PICALM: variants seen among roughly 807,000 people sequenced by gnomAD.
PICALM encodes the protein phosphatidylinositol-binding clathrin assembly protein.
In PICALM, 40 loss-of-function variants were observed where a neutral mutation model predicts 80.5. The observed-to-expected ratio is 0.50, with a 90% CI of 0.39 to 0.65. The LOEUF (loss-of-function observed/expected upper bound fraction) is 0.65. Among genes scored for constraint, PICALM ranks in the 30% least tolerant of loss-of-function variants. The pLI is 0.00. For synonymous variants in PICALM, 288 were observed against 260.3 expected (o/e 1.11, Z -1.02); for missense variants, 676 against 778.9 (o/e 0.87, Z 1.57).
intron 19 of PICALM, among the ~76,000 whole-genome samples, chr11:85,959,685 C>G (rs2093624589): frequency 7.0e-6 from 1 of 143,062 alleles, no homozygotes; most frequent in African/African-American, 2.6e-5. Flanking sequence ...GCTCAAGCAA[C>G]CCTCCTGCCT....
intron 16 of PICALM, among the ~76,000 whole-genome samples, chr11:85,981,474 G>C (rs915452593): frequency 1.3e-5 from 2 of 152,132 alleles, no homozygotes; most frequent in African/African-American, 4.8e-5. Flanking sequence ...CAGGCATGGT[G>C]GTGGGTGCCT....
At chr11:86,022,107 T>C (rs2095574519) in intron 4 of PICALM, among the ~76,000 whole-genome samples, 1 of 152,184 alleles carries the variant, frequency 6.6e-6, no homozygotes, top group South Asian at 2.1e-4. Flanking sequence ...TGGACAACTT[T>C]GTAAATACAC....
chr11:85,978,828 T>C (rs972452847), intron 17 of PICALM: 1 of 152,110 alleles, frequency 6.6e-6, no homozygotes, highest in Non-Finnish European at 1.5e-5. Context: ...ATACTTCATA[T>C]AGATTAATAC....
At chr11:86,024,852 T>G (rs755875166) in intron 3 of PICALM, among the ~76,000 whole-genome samples, 2 of 152,238 alleles carry the variant, frequency 1.3e-5, no homozygotes, top group South Asian at 2.1e-4. Context: ...GTATTGTACC[T>G]GTGCTTAAGC....
intron 1 of PICALM, among the ~76,000 whole-genome samples, chr11:86,033,941 G>GA (rs1290900742): frequency 6.6e-6 from 1 of 152,070 alleles, no homozygotes; most frequent in Non-Finnish European, 1.5e-5. Context: ...CCAAGAGGTT[G>GA]AAAAACAAAG....
At chr11:85,992,280 T>TTTTG (rs2094805606) in intron 12 of PICALM, among the ~76,000 whole-genome samples, 1 of 117,190 alleles carries the variant, frequency 8.5e-6, no homozygotes, top group Admixed American at 8.7e-5. Context: ...TCTGGGTGTG[T>TTTTG]TTTGTTTTTT....
intron 14 of PICALM, chr11:85,982,261 AG>A (rs1010791623): frequency 1.1e-5 from 4 of 361,878 alleles, no homozygotes; most frequent in Non-Finnish European, 2.1e-5. Context: ...AGGGGATAAG[AG>A]AGAAGTATTA....
chr11:85,959,633 C>CAAAAAAAAAA lies in PICALM; in HGVS notation c.1945-583_1945-574dup, dbSNP rs1161064257. On this transcript the variant is annotated intron_variant, in intron 19 of 19. Coordinates refer to ENST00000393346, the MANE Select transcript of PICALM (RefSeq NM_007166.4). ...GGGAGACAAGAGCGAAACTCCATCT[C>CAAAAAAAAAA]AAAAAAAAAAAAAAAAAAAAAAAGC... Among the ~76,000 whole-genome samples the CAAAAAAAAAA allele has an allele frequency of 6.6e-5, 3 of 45,202 alleles. 1 individual carries two copies. Among genetic ancestry groups the CAAAAAAAAAA allele is most frequent in the Non-Finnish European group, 1.1e-4 (3 of 26,948 alleles). 29.7% of individuals were successfully genotyped at this position (45,202 alleles called of 152,430 possible).
chr11:85,965,140 T>C (rs2093832684), intron 19 of PICALM, among the ~76,000 whole-genome samples: 1 of 152,206 alleles, frequency 6.6e-6, no homozygotes, highest in African/African-American at 2.4e-5. Flanking sequence ...AAGAGGTATT[T>C]AGGTTCTCAT....
In PICALM at chr11:85,958,528, G is replaced by A. The variant is rs1182611540; in HGVS notation, c.*518C>T. 1 of 209,344 alleles carries A rather than the reference G, an allele frequency of 4.8e-6. No homozygotes were observed. The highest frequency in any genetic ancestry group is 2.3e-5 in the African/African-American group (1 of 43,996). The allele number at this position is 209,344 out of a possible 1,614,324, so 13.0% of individuals were successfully genotyped here. On this transcript the variant is annotated 3_prime_UTR_variant, in exon 20 of 20. Coordinates refer to ENST00000393346, the MANE Select transcript of PICALM (RefSeq NM_007166.4). ...TACAAATACTTAAGGAATGTCTACTGCAAACTGAATATAATTTTTTTTAAA... is the reference window on the plus strand; with the variant it reads ...TACAAATACTTAAGGAATGTCTACTACAAACTGAATATAATTTTTTTTAAA...
At chr11:85,959,656 A>AAAAC (rs1402591265) in intron 19 of PICALM, among the ~76,000 whole-genome samples, 1 of 149,790 alleles carries the variant, frequency 6.7e-6, no homozygotes. Context: ...AAAAAAAAAA[A>AAAAC]GCTCATTGGA....
intron 1 of PICALM, among the ~76,000 whole-genome samples, chr11:86,049,918 G>A (rs1359760200): frequency 6.6e-6 from 1 of 151,754 alleles, no homozygotes; most frequent in Non-Finnish European, 1.5e-5. Context: ...AACTACATCA[G>A]GCCAGGTGAG....
Position 85,957,858 on chromosome 11 carries a change from T to G in PICALM, c.*1188A>C, listed in dbSNP as rs999195463. ...CTTAAGGCCCCTCTCCACCCAAATGTTAAAGATGTATTTACACAAAGCACC... is the reference window on the plus strand; with the variant it reads ...CTTAAGGCCCCTCTCCACCCAAATGGTAAAGATGTATTTACACAAAGCACC... On this transcript the variant is annotated 3_prime_UTR_variant, in exon 20 of 20. Coordinates refer to ENST00000393346, the MANE Select transcript of PICALM (RefSeq NM_007166.4). 4.5e-6 allele frequency: 1 copy of G among 224,350 alleles called. No individual in the cohort carries two copies. Among genetic ancestry groups the G allele is most frequent in the African/African-American group, 2.2e-5 (1 of 44,942 alleles). The allele number at this position is 224,350 out of a possible 1,614,324, so 13.9% of individuals were successfully genotyped here.
rs72963072 is a variant in PICALM, at chr11:86,023,029, G to T, written c.350-560C>A. ...ATGTTTTCAATGAAACTTTCTAAAT[G>T]AATACATAAATCATTCTAAGATTTT... On this transcript the variant is annotated intron_variant, in intron 3 of 19. Transcript: ENST00000393346. Among the ~76,000 whole-genome samples the T allele has an allele frequency of 7.5e-3, 1,148 of 152,194 alleles. 11 individuals are homozygous for T. Among genetic ancestry groups the T allele is most frequent in the Middle Eastern group, 0.014 (4 of 294 alleles).
At chr11:86,017,720 G>A (rs2095502562) in intron 4 of PICALM, among the ~76,000 whole-genome samples, 1 of 152,188 alleles carries the variant, frequency 6.6e-6, no homozygotes, top group East Asian at 1.9e-4. Flanking sequence ...TTAGCCTCAA[G>A]TAGTCTCTTG....
At chr11:85,992,512 C>T (rs948504055) in intron 12 of PICALM, among the ~76,000 whole-genome samples, 1 of 152,088 alleles carries the variant, frequency 6.6e-6, no homozygotes, top group Admixed American at 6.5e-5. Flanking sequence ...CCTCGAACTC[C>T]TAACCTCAGG....
intron 10 of PICALM, 82 bp downstream of exon 10, chr11:86,000,953 A>G (rs2136101324): frequency 6.5e-7 from 1 of 1,537,560 alleles, no homozygotes; most frequent in Middle Eastern, 1.7e-4. Flanking sequence ...TACATTTAAG[A>G]CTCTAAGTCT....
chr11:86,038,173 A>G (rs1057072706), intron 1 of PICALM, among the ~76,000 whole-genome samples: 1 of 152,016 alleles, frequency 6.6e-6, no homozygotes, highest in Admixed American at 6.6e-5. Context: ...CACAAAAATT[A>G]GCCAGGCATG....
chr11:85,959,133 G>A (rs1416682330), intron 19 of PICALM, 73 bp from the exon 20 acceptor site: 4 of 1,059,584 alleles, frequency 3.8e-6, no homozygotes, highest in Non-Finnish European at 5.7e-6. Context: ...ATGCTTTGTG[G>A]TCTTTACCAT....
Sources: allele counts gnomAD v4.1 joint callset (sites outside exome capture counted in the v4.1 genomes callset), GRCh38; gene constraint gnomAD v4.1.1; transcripts MANE v1.5; gene names NCBI Gene and HGNC (gene_info 2026-07-23, HGNC 2026-07-21).